DNAH6: variants seen among roughly 807,000 people sequenced by gnomAD.
The protein encoded by DNAH6 is dynein axonemal heavy chain 6, also known as axonemal beta dynein heavy chain 6.
A neutral mutation model predicts 491.4 loss-of-function variants in DNAH6; 340 were observed. The observed-to-expected ratio is 0.69, with a 90% CI of 0.63 to 0.76. The LOEUF (loss-of-function observed/expected upper bound fraction) is 0.76. Ranked by LOEUF, DNAH6 falls within the 30% of genes least tolerant of loss-of-function variation. The pLI, the probability that DNAH6 is intolerant of heterozygous loss-of-function variation, is 0.00. For synonymous variants in DNAH6, 1,603 were observed against 1,686.1 expected (o/e 0.95, Z 1.21); for missense variants, 4,443 against 4,972.2 (o/e 0.89, Z 3.20).
intron 45 of DNAH6, among the ~76,000 whole-genome samples, chr2:84,692,730 G>C (rs1029319850): frequency 2.0e-5 from 3 of 151,972 alleles, no homozygotes; most frequent in Non-Finnish European, 4.4e-5. Context: ...CCCTTCCCAG[G>C]TTTTTAAATT....
intron 2 of DNAH6, among the ~76,000 whole-genome samples, chr2:84,518,688 A>G (rs1424801846): frequency 6.6e-6 from 1 of 152,212 alleles, no homozygotes; most frequent in Non-Finnish European, 1.5e-5. Flanking sequence ...ACTCATGTAT[A>G]TTAAAAGTTT....
rs1343014829 is a variant in DNAH6, at chr2:84,518,061, A to C, written c.225+10A>C. 1 of 1,533,904 alleles carries C rather than the reference A, an allele frequency of 6.5e-7. No homozygotes were observed. Among genetic ancestry groups the C allele is most frequent in the Non-Finnish European group, 8.8e-7 (1 of 1,140,334 alleles). On this transcript the variant is annotated intron_variant, in intron 2 of 76. Transcript: ENST00000389394. ...AAAACTAGAGCCTTTGGTAAGTTCAAAAACCATTGTTTTAGCCTCTGTAGC... is the reference window on the plus strand; with the variant it reads ...AAAACTAGAGCCTTTGGTAAGTTCACAAACCATTGTTTTAGCCTCTGTAGC...
chr2:84,475,700 ACT>A, the DNAH6 span, among the ~76,000 whole-genome samples: 2 of 152,186 alleles, frequency 1.3e-5, no homozygotes, highest in East Asian at 3.9e-4. Context: ...GCAGTTTGAC[ACT>A]CTGCATTAGC....
At chr2:84,540,229 T>C (rs922082439) in intron 4 of DNAH6, among the ~76,000 whole-genome samples, 3 of 152,054 alleles carry the variant, frequency 2.0e-5, no homozygotes, top group Admixed American at 6.6e-5. Context: ...AAAATGAATA[T>C]GATGAAGAAA....
chr2:84,789,237 G>A (rs146696752), intron 68 of DNAH6, among the ~76,000 whole-genome samples: 2 of 152,260 alleles, frequency 1.3e-5, no homozygotes, highest in East Asian at 1.9e-4. Flanking sequence ...TCATGCCCTC[G>A]CTGAAGCACA....
intron 49 of DNAH6, among the ~76,000 whole-genome samples, chr2:84,702,525 C>A (rs1034793853): frequency 8.6e-5 from 13 of 150,306 alleles, no homozygotes; most frequent in Non-Finnish European, 1.8e-4. Context: ...TTTTTGAAAT[C>A]TGCCCATTTG....
chr2:84,697,876 C>A (rs754067144), intron 47 of DNAH6, 149 bp downstream of exon 47: 22 of 865,116 alleles, frequency 2.5e-5, no homozygotes, highest in Non-Finnish European at 3.5e-5. Context: ...ATTTTATTTT[C>A]GGTGTTTAAA....
chr2:84,806,726 T>C (rs185896830), intron 71 of DNAH6, among the ~76,000 whole-genome samples: 1 of 151,766 alleles, frequency 6.6e-6, no homozygotes, highest in Non-Finnish European at 1.5e-5. Context: ...TTATTCATGG[T>C]TGGAAGAGAT....
At chr2:84,794,640 A>G (rs1451815449) in intron 68 of DNAH6, among the ~76,000 whole-genome samples, 4 of 149,480 alleles carry the variant, frequency 2.7e-5, no homozygotes, top group African/African-American at 9.8e-5. Context: ...ACCATCTCAC[A>G]CCAGTTAGAA....
intron 11 of DNAH6, among the ~76,000 whole-genome samples, chr2:84,562,032 C>G (rs902478840): frequency 1.3e-5 from 2 of 151,668 alleles, no homozygotes; most frequent in African/African-American, 2.4e-5. Flanking sequence ...GAATAGGAAA[C>G]TAGTATATAA....
chr2:84,652,983 A>G (rs1423683032), intron 33 of DNAH6, among the ~76,000 whole-genome samples: 1 of 151,934 alleles, frequency 6.6e-6, no homozygotes, highest in Non-Finnish European at 1.5e-5. Flanking sequence ...TTTTTTTAAT[A>G]ATTAAAAATA....
chr2:84,483,160 C>T, the DNAH6 span, among the ~76,000 whole-genome samples: 7 of 151,938 alleles, frequency 4.6e-5, no homozygotes, highest in Admixed American at 3.9e-4. Flanking sequence ...TACGGGGTCT[C>T]ACTATGTTGT....
At position 84,605,562 on chromosome 2, in the gene DNAH6, G is replaced by A; in HGVS notation, c.3144G>A (p.Val1048=). Residue 1048 remains valine, a synonymous_variant, in exon 20 of 77, where the codon GTG becomes GTA. Transcript: ENST00000389394. ...TGCCTCACCGTGACTCCAAAGATGT[G>A]TTTATACTGGGCGGCACAGATGACA... ...VILPHRDSKD[V]FILGGTDDIQ... 6.4e-7 allele frequency: 1 copy of A among 1,551,596 alleles called. No individual in the cohort carries two copies. Among genetic ancestry groups the A allele is most frequent in the Non-Finnish European group, 8.7e-7 (1 of 1,146,920 alleles).
rs1437558136 is a variant in DNAH6 at position 84,621,500 on chromosome 2, A to G, written c.4020A>G (p.Glu1340=). Residue 1340 remains glutamate (E), a synonymous_variant, in exon 26 of 77, where the codon GAA becomes GAG. Coordinates refer to ENST00000389394, the MANE Select transcript of DNAH6 (RefSeq NM_001370.2). ...ATTTGACTGAATGTCTGGAAACAGA[A>G]CACAGTAATCATATACAGGCCCTGA... ...CRDLTECLET[E]HSNHIQALKN... is the part of the protein sequence containing the mutation. 3 of 1,536,940 alleles carry G rather than the reference A, an allele frequency of 2.0e-6. No individual in the cohort carries two copies. The highest frequency in any genetic ancestry group is 2.5e-5 in the East Asian group (1 of 40,460).
At chr2:84,735,606 C>G (rs1699475339) in intron 62 of DNAH6, among the ~76,000 whole-genome samples, 1 of 152,024 alleles carries the variant, frequency 6.6e-6, no homozygotes. Flanking sequence ...AAGATGGTAT[C>G]TCATTGTGGT....
chr2:84,726,556 T>C (rs1698651558), intron 60 of DNAH6, among the ~76,000 whole-genome samples: 1 of 152,090 alleles, frequency 6.6e-6, no homozygotes, highest in Non-Finnish European at 1.5e-5. Flanking sequence ...ACACTGCATG[T>C]TCTCACTCAT....
Position 84,640,423 on chromosome 2 carries a change from A to C in DNAH6, c.4822-7A>C. The C allele has an allele frequency of 6.9e-7, 1 of 1,443,104 alleles. No individual in the cohort carries two copies. The highest frequency in any genetic ancestry group is 9.5e-7 in the Non-Finnish European group (1 of 1,050,536). 89.4% of individuals were successfully genotyped at this position (1,443,104 alleles called of 1,614,324 possible). On this transcript the variant is annotated splice_polypyrimidine_tract_variant and splice_region_variant and intron_variant, in intron 31 of 76. Coordinates refer to ENST00000389394, the MANE Select transcript of DNAH6 (RefSeq NM_001370.2). ...TAATAAGCATTGCATTATTTTTTCT[A>C]TTCTAGGTAATTCTATATTCTGAAG...
chr2:84,662,050 A>C (rs1478050580), intron 37 of DNAH6, among the ~76,000 whole-genome samples: 1 of 152,138 alleles, frequency 6.6e-6, no homozygotes, highest in African/African-American at 2.4e-5. Context: ...TACATATATG[A>C]AACTCTCTAA....
intron 56 of DNAH6, among the ~76,000 whole-genome samples, chr2:84,711,997 A>G (rs1573569015): frequency 6.6e-6 from 1 of 152,244 alleles, no homozygotes; most frequent in Non-Finnish European, 1.5e-5. Context: ...TTTTAACTGT[A>G]GTAGAGTGCT....
Sources: allele counts gnomAD v4.1 joint callset (sites outside exome capture counted in the v4.1 genomes callset), GRCh38; gene constraint gnomAD v4.1.1; transcripts MANE v1.5; gene names NCBI Gene and HGNC (gene_info 2026-07-23, HGNC 2026-07-21).